The following WASHC4 variants were observed in gnomAD, a reference collection of about 807,000 sequenced individuals.
WASHC4 encodes the protein WASH complex subunit 7.
Under a neutral mutation model 166.6 loss-of-function variants are expected in WASHC4, and 86 were observed. The observed-to-expected ratio is 0.52, with a 90% confidence interval of 0.43 to 0.62. The LOEUF (loss-of-function observed/expected upper bound fraction) is 0.62. WASHC4 is among the 20% of genes least tolerant of loss of function. The pLI is 0.00. For synonymous variants in WASHC4, 446 were observed against 451.6 expected (o/e 0.99, Z 0.16); for missense variants, 1,262 against 1,382.4 (o/e 0.91, Z 1.38).
rs771535867 is a variant in WASHC4, at chr12:105,126,345, T to C, written c.1021T>C (p.Leu341=). 3.8e-6 allele frequency: 6 copies of C among 1,584,594 alleles called. No homozygotes were observed. In the East Asian group the frequency reaches 9.0e-5, roughly 24 times the overall value. Residue 341 remains leucine (L), a synonymous_variant, in exon 12 of 33, where the codon TTG becomes CTG. Transcript: ENST00000332180. Reference sequence around the variant, plus strand: ...TGATAAAAAGTTTTATAAGTCTTTATTGGACATTTGTAAGAAGGTAAGAAC... The same window carrying C: ...TGATAAAAAGTTTTATAAGTCTTTACTGGACATTTGTAAGAAGGTAAGAAC... ...TIDKKFYKSL[L]DICKKVPAIT... is the part of the protein sequence containing the mutation.
chr12:105,166,528 C>T (rs150950767), intron 32 of WASHC4, among the ~76,000 whole-genome samples: 127 of 152,166 alleles, frequency 8.3e-4, no homozygotes, highest in Non-Finnish European at 1.4e-3. Flanking sequence ...GAGGAACTGG[C>T]GTGAGGGGAG....
intron 10 of WASHC4, among the ~76,000 whole-genome samples, chr12:105,124,625 C>T (rs573624552): frequency 2.0e-5 from 3 of 152,110 alleles, no homozygotes; most frequent in South Asian, 2.1e-4. Context: ...GGATTACAGG[C>T]GTCCACCACT....
intron 14 of WASHC4, 93 bp downstream of exon 14, chr12:105,133,989 TTTTG>T: frequency 8.1e-7 from 1 of 1,233,898 alleles, no homozygotes; most frequent in South Asian, 1.3e-5. Flanking sequence ...TAGAGTATGT[TTTTG>T]TTTATTAAAG....
In WASHC4 at chr12:105,162,848, A is replaced by G; in HGVS notation, c.3157+3A>G. ...TACTGATGATGGCTTTGCCATGGGT[A>G]AGCTTAATGGAATTGTTTTTCCATT... On this transcript the variant is annotated splice_donor_region_variant and intron_variant, in intron 30 of 32. Transcript: ENST00000332180. The G allele has an allele frequency of 4.6e-6, 7 of 1,509,840 alleles. No individual in the cohort carries two copies. Among genetic ancestry groups the G allele is most frequent in the Non-Finnish European group, 4.6e-6 (5 of 1,091,086 alleles). 93.5% of individuals were successfully genotyped at this position (1,509,840 alleles called of 1,614,324 possible).
intron 10 of WASHC4, among the ~76,000 whole-genome samples, chr12:105,123,186 C>T (rs1401604232): frequency 2.0e-5 from 3 of 152,086 alleles, no homozygotes; most frequent in Non-Finnish European, 2.9e-5. Flanking sequence ...TTAGGGCAAG[C>T]GCTTGTAATC....
chr12:105,140,657 A>T (rs1172814500), intron 16 of WASHC4, among the ~76,000 whole-genome samples: 1 of 152,220 alleles, frequency 6.6e-6, no homozygotes, highest in Non-Finnish European at 1.5e-5. Context: ...GCATCATTTA[A>T]AAAATGATTT....
At chr12:105,145,932 G>A (rs74995691) in intron 22 of WASHC4, among the ~76,000 whole-genome samples, 8,491 of 152,148 alleles carry the variant, frequency 0.056, 795 homozygotes, top group African/African-American at 0.19. Flanking sequence ...CCAAGGCCCT[G>A]CTGCTGCCTA....
intron 10 of WASHC4, among the ~76,000 whole-genome samples, chr12:105,122,511 G>C (rs1249842938): frequency 2.0e-5 from 3 of 151,612 alleles, no homozygotes; most frequent in African/African-American, 7.3e-5. Context: ...TAGTAGTTAG[G>C]TATAGGCATA....
rs888379586 is a variant in WASHC4, at chr12:105,107,741, G to A, written c.-60G>A. The A allele has an allele frequency of 3.9e-6, 5 of 1,273,440 alleles. No homozygotes were observed. The highest frequency in any genetic ancestry group is 1.9e-4 in the Middle Eastern group (1 of 5,382). The allele number at this position is 1,273,440 out of a possible 1,614,324, so 78.9% of individuals were successfully genotyped here. On this transcript the variant is annotated 5_prime_UTR_variant, in exon 1 of 33. It adds an upstream start codon to the 5' untranslated region. Coordinates refer to ENST00000332180, the MANE Select transcript of WASHC4 (RefSeq NM_015275.3). ...GTCACGTGCTGTGACAGTAGCTGGG[G>A]TGAGGCCGTCGTCGCCGCACGGGCT... is the stretch of plus-strand genomic sequence containing the variant.
In WASHC4 at chr12:105,149,714, T is replaced by G. The variant is rs1224678884; in HGVS notation, c.2614T>G (p.Phe872Val). The G allele has an allele frequency of 6.3e-7, 1 of 1,589,958 alleles. No homozygotes were observed. Among genetic ancestry groups the G allele is most frequent in the East Asian group, 2.2e-5 (1 of 44,502 alleles). ...ATCCAGATTGATTAAAGATATTCGA[T>G]TTTTCAGGGAAATTAAGGACCAAAA... ...IKSRLIKDIR[F>V]FREIKDQNDH... The change falls in exon 25 of 33, where the codon TTT becomes GTT. Residue 872 changes from phenylalanine (F) to valine (V), a missense_variant. Physicochemically the swap from Phe to Val is conservative, Grantham distance 50. Transcript: ENST00000332180.
intron 8 of WASHC4, 51 bp downstream of exon 8, chr12:105,120,648 A>G (rs540534673): frequency 7.6e-7 from 1 of 1,308,606 alleles, no homozygotes; most frequent in Admixed American, 1.7e-5. Flanking sequence ...ACTATATTTT[A>G]CTTTGGAGTT....
chr12:105,151,928 G>A (rs1214997869), intron 25 of WASHC4, among the ~76,000 whole-genome samples: 1 of 152,134 alleles, frequency 6.6e-6, no homozygotes, highest in Non-Finnish European at 1.5e-5. Flanking sequence ...TTTTATTGGT[G>A]ATGGTTACTA....
At chr12:105,139,503 A>G (rs946122813) in intron 15 of WASHC4, among the ~76,000 whole-genome samples, 1 of 148,440 alleles carries the variant, frequency 6.7e-6, no homozygotes, top group Admixed American at 6.7e-5. Context: ...ATAAAATTGT[A>G]TTTCCAATTG....
chr12:105,109,055 G>A (rs1879382474), intron 1 of WASHC4, among the ~76,000 whole-genome samples: 1 of 152,160 alleles, frequency 6.6e-6, no homozygotes, highest in African/African-American at 2.4e-5. Flanking sequence ...AGAATCGCTT[G>A]AACCCGGCAG....
At chr12:105,121,921 G>C (rs973766040) in intron 9 of WASHC4, among the ~76,000 whole-genome samples, 197 bp from the exon 10 acceptor site, 4 of 152,140 alleles carry the variant, frequency 2.6e-5, no homozygotes, top group Admixed American at 1.3e-4. Flanking sequence ...GGTATGTACA[G>C]ATTATGAGGC....
intron 2 of WASHC4, among the ~76,000 whole-genome samples, 188 bp from the exon 3 acceptor site, chr12:105,114,028 T>C (rs780134029): frequency 1.3e-5 from 2 of 152,012 alleles, no homozygotes; most frequent in African/African-American, 2.4e-5. Flanking sequence ...TTGTGTCATG[T>C]TGGGCCATTT....
intron 2 of WASHC4, 152 bp from the exon 3 acceptor site, chr12:105,114,064 A>G: frequency 1.5e-6 from 1 of 649,440 alleles, no homozygotes. Context: ...GTCTAATGAG[A>G]TTGTTTTGGA....
intron 2 of WASHC4, among the ~76,000 whole-genome samples, chr12:105,113,275 T>C (rs1879864286): frequency 6.6e-6 from 1 of 152,106 alleles, no homozygotes. Flanking sequence ...TAAGTAATAC[T>C]TGTTGATTTT....
At chr12:105,123,951 C>T (rs1436616286) in intron 10 of WASHC4, among the ~76,000 whole-genome samples, 22 of 152,150 alleles carry the variant, frequency 1.4e-4, no homozygotes, top group Admixed American at 1.4e-3. Flanking sequence ...AGCCTGATGA[C>T]AGCATATCAA....
Sources: allele counts gnomAD v4.1 joint callset (sites outside exome capture counted in the v4.1 genomes callset), GRCh38; gene constraint gnomAD v4.1.1; transcripts MANE v1.5; gene names NCBI Gene and HGNC (gene_info 2026-07-23, HGNC 2026-07-21).